SH3BGRL2: variants seen among roughly 807,000 people sequenced by gnomAD.
SH3BGRL2 encodes SH3 domain-binding glutamic acid-rich-like protein 2.
A neutral mutation model predicts 14.8 loss-of-function variants in SH3BGRL2; 21 were observed. The ratio of observed to expected loss-of-function variants is 1.42; its 90% CI spans 1.01 to 2.05. SH3BGRL2 has a LOEUF of 2.05. SH3BGRL2 is among the 30% of genes most tolerant of loss of function. The pLI, the probability that SH3BGRL2 is intolerant of heterozygous loss-of-function variation, is 0.00. For missense variants in SH3BGRL2, 147 were observed against 130.8 expected (o/e 1.12, Z -0.61); for synonymous variants, 50 against 47.8 (o/e 1.05, Z -0.19).
At position 79,655,900 on chromosome 6, in the gene SH3BGRL2, A is replaced by G. The variant is rs570118788; in HGVS notation, c.46-17714A>G. On this transcript the variant is annotated intron_variant, in intron 1 of 3. Transcript: ENST00000369838. ...TAATCTGTGCTTTAACAAGCCCTCCAGGTGACCCAGATTCACCCAAGGGTG... is the reference window on the plus strand; with the variant it reads ...TAATCTGTGCTTTAACAAGCCCTCCGGGTGACCCAGATTCACCCAAGGGTG... 1.2e-4 allele frequency among the ~76,000 whole-genome samples: 18 copies of G among 152,304 alleles called. 1 individual carries two copies. In the South Asian group the frequency reaches 2.5e-3, roughly 21 times the overall value.
At chr6:79,581,853 T>C in the SH3BGRL2 span, among the ~76,000 whole-genome samples, 1 of 152,216 alleles carries the variant, frequency 6.6e-6, no homozygotes, top group East Asian at 1.9e-4. Context: ...TTGTCCCTGT[T>C]TGCAGATGAC....
At position 79,673,594 on chromosome 6, in the gene SH3BGRL2, T is replaced by C. The variant is rs776195481; in HGVS notation, c.46-20T>C. 9 of 1,611,318 alleles carry C rather than the reference T, an allele frequency of 5.6e-6. No homozygotes were observed. Among genetic ancestry groups the C allele is most frequent in the Non-Finnish European group, 5.9e-6 (7 of 1,178,420 alleles). On this transcript the variant is annotated intron_variant, in intron 1 of 3. Transcript: ENST00000369838. ...TTTCAGATAAGCGTATCTACTTATT[T>C]GTTTGTCTTCTCTCTTTAGATAAAG...
chr6:79,568,155 T>C, the SH3BGRL2 span, among the ~76,000 whole-genome samples: 1 of 152,104 alleles, frequency 6.6e-6, no homozygotes, highest in African/African-American at 2.4e-5. Flanking sequence ...GAGAATAATT[T>C]GATTATATTT....
intron 1 of SH3BGRL2, among the ~76,000 whole-genome samples, chr6:79,648,541 A>AT (rs1267154962): frequency 6.6e-6 from 1 of 150,456 alleles, no homozygotes; most frequent in South Asian, 2.1e-4. Flanking sequence ...AAACTGAGAG[A>AT]TTTTTTCTTC....
At chr6:79,681,239 T>A (rs1423047527) in intron 2 of SH3BGRL2, among the ~76,000 whole-genome samples, 1 of 152,194 alleles carries the variant, frequency 6.6e-6, no homozygotes, top group Non-Finnish European at 1.5e-5. Flanking sequence ...GAGAGACAGA[T>A]GGCAAACTGT....
intron 3 of SH3BGRL2, among the ~76,000 whole-genome samples, chr6:79,699,213 TA>T (rs1770397301): frequency 6.6e-6 from 1 of 151,904 alleles, no homozygotes; most frequent in African/African-American, 2.4e-5. Flanking sequence ...CACCCAGCCA[TA>T]CACAAGTGGA....
intron 1 of SH3BGRL2, among the ~76,000 whole-genome samples, chr6:79,635,865 T>A (rs1158221878): frequency 6.6e-6 from 1 of 152,190 alleles, no homozygotes; most frequent in East Asian, 1.9e-4. Context: ...TTTGGGTGAT[T>A]TATAACTATT....
At chr6:79,616,328 A>G in the SH3BGRL2 span, among the ~76,000 whole-genome samples, 1 of 152,188 alleles carries the variant, frequency 6.6e-6, no homozygotes, top group African/African-American at 2.4e-5. Flanking sequence ...TGCATGTGGC[A>G]TTTTTAATAC....
At chr6:79,696,993 ATC>A (rs1270020002) in intron 3 of SH3BGRL2, among the ~76,000 whole-genome samples, 1 of 152,140 alleles carries the variant, frequency 6.6e-6, no homozygotes, top group Non-Finnish European at 1.5e-5. Flanking sequence ...CTTGAAAAAA[ATC>A]TTCAATTCTT....
chr6:79,665,115 G>T (rs945754508), intron 1 of SH3BGRL2, among the ~76,000 whole-genome samples: 6 of 152,112 alleles, frequency 3.9e-5, no homozygotes, highest in Non-Finnish European at 5.9e-5. Flanking sequence ...CAGGAAAATC[G>T]CTTGAACCCA....
In SH3BGRL2 at chr6:79,641,719, T is replaced by G. The variant is rs1769037092; in HGVS notation, c.45+10213T>G. ...GTGCATGTTACCTACTTTTTCTGTA[T>G]CATAATCATCTTCAGTAGTAGTAGT... On this transcript the variant is annotated intron_variant, in intron 1 of 3. Transcript: ENST00000369838. Among the ~76,000 whole-genome samples the G allele has an allele frequency of 2.0e-5, 3 of 152,178 alleles. No individual in the cohort carries two copies. In the South Asian group the frequency reaches 6.2e-4, roughly 32 times the overall value.
chr6:79,658,680 A>G (rs1769474313), intron 1 of SH3BGRL2, among the ~76,000 whole-genome samples: 1 of 152,218 alleles, frequency 6.6e-6, no homozygotes, highest in South Asian at 2.1e-4. Context: ...GCTAGGTCAA[A>G]TGGTATTTCT....
the SH3BGRL2 span, among the ~76,000 whole-genome samples, chr6:79,601,934 C>T: frequency 6.8e-6 from 1 of 146,256 alleles, no homozygotes; most frequent in East Asian, 2.0e-4. Context: ...CCCCACCCCC[C>T]ACAAAAAAAC....
chr6:79,575,785 ATATTT>A, the SH3BGRL2 span, among the ~76,000 whole-genome samples: 9 of 151,996 alleles, frequency 5.9e-5, no homozygotes, highest in East Asian at 1.9e-4. Flanking sequence ...ATTTTTAAAA[ATATTT>A]TATTTTATCT....
the SH3BGRL2 span, among the ~76,000 whole-genome samples, chr6:79,617,471 C>G: frequency 6.6e-6 from 1 of 152,082 alleles, no homozygotes; most frequent in Non-Finnish European, 1.5e-5. Context: ...ATATCCTGTT[C>G]AGGTTAGCAT....
At chr6:79,601,185 G>A in the SH3BGRL2 span, among the ~76,000 whole-genome samples, 7 of 152,120 alleles carry the variant, frequency 4.6e-5, no homozygotes, top group East Asian at 1.9e-4. Flanking sequence ...GACCACAGAC[G>A]GAAGGAATGT....
At chr6:79,690,233 C>G (rs762517271) in intron 2 of SH3BGRL2, among the ~76,000 whole-genome samples, 3 of 152,134 alleles carry the variant, frequency 2.0e-5, no homozygotes, top group Non-Finnish European at 2.9e-5. Context: ...CACAGACAGT[C>G]CTCACACCTC....
intron 2 of SH3BGRL2, among the ~76,000 whole-genome samples, chr6:79,687,723 A>G (rs1009573001): frequency 1.3e-5 from 2 of 152,040 alleles, no homozygotes; most frequent in African/African-American, 4.8e-5. Context: ...AGCTGCAGCA[A>G]CTCCTATAGT....
intron 1 of SH3BGRL2, among the ~76,000 whole-genome samples, chr6:79,657,432 A>G (rs1769442796): frequency 6.6e-6 from 1 of 152,158 alleles, no homozygotes; most frequent in Non-Finnish European, 1.5e-5. Context: ...GGTTACTAGG[A>G]AACCAGAAGA....
Sources: allele counts gnomAD v4.1 joint callset (sites outside exome capture counted in the v4.1 genomes callset), GRCh38; gene constraint gnomAD v4.1.1; transcripts MANE v1.5; gene names NCBI Gene and HGNC (gene_info 2026-07-23, HGNC 2026-07-21).